Variants in RGL1 observed in about 807,000 individuals in gnomAD.
RGL1 encodes the protein ral guanine nucleotide dissociation stimulator-like 1.
RGL1 carries 24 observed loss-of-function variants against 95.2 expected under a neutral mutation model. The ratio of observed to expected loss-of-function variants is 0.25; its 90% CI spans 0.18 to 0.35. The LOEUF is 0.35. Ranked by LOEUF, RGL1 falls within the 10% of genes least tolerant of loss-of-function variation. RGL1 has a pLI of 1.00. For synonymous variants in RGL1, 329 were observed against 344.9 expected (o/e 0.95, Z 0.51); for missense variants, 715 against 936.3 (o/e 0.76, Z 3.08).
chr1:183,918,019 G>A (rs928215543), intron 16 of RGL1, among the ~76,000 whole-genome samples: 1 of 152,196 alleles, frequency 6.6e-6, no homozygotes, highest in Admixed American at 6.5e-5. Context: ...GAAAGCTTTT[G>A]ATGAGGTAGA....
chr1:183,847,843 T>C, intron 3 of RGL1, 69 bp downstream of exon 3: 1 of 1,136,306 alleles, frequency 8.8e-7, no homozygotes, highest in Non-Finnish European at 1.3e-6. Context: ...CACGAGGTTC[T>C]GAATCACCTG....
chr1:183,645,618 T>C (rs1279339685), intron 1 of RGL1, among the ~76,000 whole-genome samples: 1 of 152,248 alleles, frequency 6.6e-6, no homozygotes, highest in African/African-American at 2.4e-5. Context: ...CAGCCTGATA[T>C]GACCAAGAAT....
intron 2 of RGL1, among the ~76,000 whole-genome samples, chr1:183,828,810 A>G (rs6676212): frequency 0.32 from 49,170 of 152,164 alleles, 9,321 homozygotes; most frequent in Non-Finnish European, 0.42. Context: ...GTCAGGAACA[A>G]GTTAAAGCAA....
At chr1:183,775,774 T>G (rs1324044555) in intron 2 of RGL1, among the ~76,000 whole-genome samples, 2 of 152,244 alleles carry the variant, frequency 1.3e-5, no homozygotes, top group Non-Finnish European at 2.9e-5. Flanking sequence ...ATTTCCGTTT[T>G]TCTTCACTTT....
At chr1:183,915,250 A>T (rs1302956406) in intron 15 of RGL1, among the ~76,000 whole-genome samples, 1 of 152,224 alleles carries the variant, frequency 6.6e-6, no homozygotes, top group Non-Finnish European at 1.5e-5. Context: ...AATATGAAAG[A>T]AATGTTATTT....
chr1:183,909,032 G>C (rs12080419), intron 14 of RGL1, among the ~76,000 whole-genome samples: 2 of 152,122 alleles, frequency 1.3e-5, no homozygotes, highest in African/African-American at 4.8e-5. Flanking sequence ...GGACTGTGAG[G>C]GTGCTATGCC....
At chr1:183,729,742 A>C (rs899949228) in intron 1 of RGL1, among the ~76,000 whole-genome samples, 4 of 152,214 alleles carry the variant, frequency 2.6e-5, no homozygotes, top group African/African-American at 9.6e-5. Context: ...CAGCAGGTGA[A>C]TGTATAAATA....
intron 2 of RGL1, among the ~76,000 whole-genome samples, chr1:183,825,815 C>G (rs1245371688): frequency 6.6e-6 from 1 of 152,114 alleles, no homozygotes; most frequent in Non-Finnish European, 1.5e-5. Context: ...CAGTGGAAGC[C>G]TATGTTCAAA....
intron 1 of RGL1, among the ~76,000 whole-genome samples, chr1:183,723,868 G>A (rs566938375): frequency 3.3e-5 from 5 of 152,132 alleles, no homozygotes; most frequent in African/African-American, 1.2e-4. Flanking sequence ...CCAAACCCAC[G>A]CAGTGCAGCT....
At chr1:183,743,428 G>C (rs1657435971) in intron 2 of RGL1, among the ~76,000 whole-genome samples, 1 of 152,114 alleles carries the variant, frequency 6.6e-6, no homozygotes. Flanking sequence ...TTTGTCAATG[G>C]TATTTTGGCT....
At chr1:183,856,900 G>A (rs753579053) in intron 3 of RGL1, among the ~76,000 whole-genome samples, 2 of 152,098 alleles carry the variant, frequency 1.3e-5, no homozygotes. Context: ...ATCAGGTGGA[G>A]AGAAACAGTT....
chr1:183,831,647 G>C (rs142871948), intron 2 of RGL1, among the ~76,000 whole-genome samples: 8 of 152,184 alleles, frequency 5.3e-5, no homozygotes, highest in Admixed American at 5.2e-4. Context: ...ATTTTTATTT[G>C]ACTGAATTTG....
At chr1:183,918,844 T>C (rs1300522411) in intron 16 of RGL1, among the ~76,000 whole-genome samples, 1 of 152,234 alleles carries the variant, frequency 6.6e-6, no homozygotes, top group Non-Finnish European at 1.5e-5. Context: ...GACACACTGC[T>C]CTCGTGCTCT....
At chr1:183,639,713 A>C (rs1291672848) in intron 1 of RGL1, among the ~76,000 whole-genome samples, 1 of 147,176 alleles carries the variant, frequency 6.8e-6, no homozygotes, top group Non-Finnish European at 1.5e-5. Flanking sequence ...AAAAAAAAAA[A>C]TCAGGGAAAA....
At chr1:183,715,717 T>G (rs987364802) in intron 1 of RGL1, among the ~76,000 whole-genome samples, 2 of 149,928 alleles carry the variant, frequency 1.3e-5, no homozygotes, top group African/African-American at 2.5e-5. Flanking sequence ...ATTGGAGACC[T>G]ATATCTATAT....
chr1:183,800,916 G>A (rs1366464092), upstream of RGL1, among the ~76,000 whole-genome samples: 1 of 152,024 alleles, frequency 6.6e-6, no homozygotes, highest in Non-Finnish European at 1.5e-5. Flanking sequence ...TCCACCTCTT[G>A]GCTATTGTGA....
chr1:183,771,948 C>A (rs976633352), intron 2 of RGL1, among the ~76,000 whole-genome samples: 3 of 152,130 alleles, frequency 2.0e-5, no homozygotes, highest in Admixed American at 6.5e-5. Flanking sequence ...AACACGCCGG[C>A]GGAAGAGCAT....
intron 2 of RGL1, among the ~76,000 whole-genome samples, chr1:183,773,245 C>G (rs1478491588): frequency 6.6e-6 from 1 of 151,488 alleles, no homozygotes; most frequent in Non-Finnish European, 1.5e-5. Context: ...TCCTTTCTTT[C>G]TGCATTTCCT....
chr1:183,821,858 ATTTCCT>A (rs952418430), intron 2 of RGL1, among the ~76,000 whole-genome samples: 35 of 152,312 alleles, frequency 2.3e-4, no homozygotes, highest in African/African-American at 8.4e-4. Context: ...AAGCAGGATG[ATTTCCT>A]AATGACCTTA....
Sources: gnomAD v4.1 joint callset for allele counts (sites outside exome capture counted in the v4.1 genomes callset) on GRCh38, gnomAD v4.1.1 for gene constraint, MANE v1.5 for transcripts, NCBI Gene and HGNC (gene_info 2026-07-23, HGNC 2026-07-21) for gene names.